The following RBFOX1 variants were observed in gnomAD, a reference collection of about 807,000 sequenced individuals.
RBFOX1 encodes RNA binding fox-1 homolog 1.
In RBFOX1, 8 loss-of-function variants were observed where a neutral mutation model predicts 57.7. The observed-to-expected ratio is 0.14, with a 90% CI of 0.08 to 0.25. The LOEUF is 0.25. Ranked by LOEUF, RBFOX1 falls within the 10% of genes least tolerant of loss-of-function variation. The pLI is 1.00. For missense variants in RBFOX1, 611 were observed against 548.5 expected, an observed-to-expected ratio of 1.11 and a Z score of -1.14; for synonymous variants, 326 against 222.4, an observed-to-expected ratio of 1.47 and a Z score of -4.15.
intron 1 of RBFOX1, among the ~76,000 whole-genome samples, chr16:6,265,681 C>T (rs902031450): frequency 6.6e-6 from 1 of 152,188 alleles, no homozygotes; most frequent in Non-Finnish European, 1.5e-5. Context: ...ACCAAATTAG[C>T]TTTGGTGCAC....
intron 4 of RBFOX1, among the ~76,000 whole-genome samples, chr16:5,993,667 C>T (rs979224662): frequency 6.6e-6 from 1 of 152,072 alleles, no homozygotes; most frequent in Non-Finnish European, 1.5e-5. Context: ...TCAAGATTAC[C>T]CATTTAGCTG....
At chr16:7,676,063 T>A (rs1055833699) in intron 13 of RBFOX1, among the ~76,000 whole-genome samples, 1 of 152,250 alleles carries the variant, frequency 6.6e-6, no homozygotes, top group Non-Finnish European at 1.5e-5. Flanking sequence ...TTATTTTTTC[T>A]TTTCAGATTT....
chr16:6,148,314 G>A (rs1372698380), intron 1 of RBFOX1, among the ~76,000 whole-genome samples: 2 of 152,222 alleles, frequency 1.3e-5, no homozygotes, highest in Non-Finnish European at 2.9e-5. Flanking sequence ...GCGACGGAGT[G>A]AGACTCCGTC....
chr16:7,356,716 G>C (rs1463140650), intron 4 of RBFOX1, among the ~76,000 whole-genome samples: 1 of 152,198 alleles, frequency 6.6e-6, no homozygotes, highest in Non-Finnish European at 1.5e-5. Context: ...TTTTAAATAA[G>C]ACAAATACGT....
intron 1 of RBFOX1, among the ~76,000 whole-genome samples, chr16:6,113,743 G>A (rs1294334948): frequency 1.3e-5 from 2 of 152,210 alleles, no homozygotes; most frequent in Non-Finnish European, 2.9e-5. Flanking sequence ...GTGGCAGAAT[G>A]CCTAGCATGT....
At chr16:6,530,409 G>T (rs1450746700) in intron 2 of RBFOX1, among the ~76,000 whole-genome samples, 3 of 152,138 alleles carry the variant, frequency 2.0e-5, no homozygotes, top group Admixed American at 1.3e-4. Flanking sequence ...CTGCAAGATG[G>T]GGAGACAGTG....
intron 1 of RBFOX1, among the ~76,000 whole-genome samples, chr16:6,062,329 A>C (rs2095698371): frequency 6.6e-6 from 1 of 152,020 alleles, no homozygotes; most frequent in Non-Finnish European, 1.5e-5. Flanking sequence ...GGTAGGACAG[A>C]AAATTCCTAC....
intron 4 of RBFOX1, among the ~76,000 whole-genome samples, chr16:5,867,553 C>T (rs1299324474): frequency 1.3e-5 from 2 of 152,092 alleles, no homozygotes; most frequent in African/African-American, 4.8e-5. Flanking sequence ...AAAGATGGTG[C>T]AGGGTGACTT....
At chr16:6,957,960 T>C (rs2082215619) in intron 3 of RBFOX1, among the ~76,000 whole-genome samples, 1 of 152,062 alleles carries the variant, frequency 6.6e-6, no homozygotes, top group Non-Finnish European at 1.5e-5. Context: ...ACTTCCAGCA[T>C]ATTCTCTTGG....
chr16:6,653,752 G>C (rs2098620641), intron 2 of RBFOX1, among the ~76,000 whole-genome samples: 1 of 151,654 alleles, frequency 6.6e-6, no homozygotes. Context: ...ATGGATGGGT[G>C]GGTAGATGAA....
At chr16:7,554,497 A>T (rs1227272273) in intron 5 of RBFOX1, among the ~76,000 whole-genome samples, 1 of 152,132 alleles carries the variant, frequency 6.6e-6, no homozygotes, top group Non-Finnish European at 1.5e-5. Context: ...AGTCGTGTAG[A>T]CTAAGTGTTA....
intron 1 of RBFOX1, among the ~76,000 whole-genome samples, chr16:5,299,045 C>T: frequency 6.8e-6 from 1 of 146,184 alleles, no homozygotes; most frequent in Non-Finnish European, 1.5e-5. Context: ...TAGAATGTTT[C>T]TATGGCCCTG....
chr16:7,068,158 C>T (rs75730451), intron 4 of RBFOX1, among the ~76,000 whole-genome samples: 2,170 of 152,068 alleles, frequency 0.014, 33 homozygotes, highest in Non-Finnish European at 0.023. Flanking sequence ...ATTTTAAGAT[C>T]CGTAATTATA....
intron 3 of RBFOX1, among the ~76,000 whole-genome samples, chr16:6,893,281 T>C (rs75481415): frequency 0.031 from 4,701 of 152,218 alleles, 242 homozygotes; most frequent in African/African-American, 0.11. Flanking sequence ...TGGTTTCTTG[T>C]CTTAGATTAC....
chr16:7,283,570 A>G (rs1015653448), intron 4 of RBFOX1, among the ~76,000 whole-genome samples: 5 of 152,024 alleles, frequency 3.3e-5, no homozygotes, highest in African/African-American at 7.2e-5. Context: ...GACATTCTGT[A>G]TCTCCATCCC....
At chr16:5,582,274 G>A (rs1037103131) in intron 2 of RBFOX1, among the ~76,000 whole-genome samples, 1 of 152,142 alleles carries the variant, frequency 6.6e-6, no homozygotes, top group Non-Finnish European at 1.5e-5. Flanking sequence ...GGGGCTGCAC[G>A]GGCCTTCACA....
intron 4 of RBFOX1, among the ~76,000 whole-genome samples, chr16:6,007,938 T>A (rs1006033212): frequency 6.6e-6 from 1 of 152,102 alleles, no homozygotes; most frequent in Non-Finnish European, 1.5e-5. Context: ...ATGGGCCAGG[T>A]GCAGTGGCTC....
intron 2 of RBFOX1, among the ~76,000 whole-genome samples, chr16:6,573,553 C>G (rs981799632): frequency 6.6e-6 from 1 of 152,188 alleles, no homozygotes; most frequent in Non-Finnish European, 1.5e-5. Context: ...ATCTCCCCAT[C>G]CATCTTATTT....
chr16:7,627,122 TC>T (rs954835545), intron 10 of RBFOX1, among the ~76,000 whole-genome samples: 2 of 104,408 alleles, frequency 1.9e-5, no homozygotes, highest in African/African-American at 8.7e-5. Flanking sequence ...CCCCTCCGCC[TC>T]CTTTTTTTTT....
Sources: allele counts gnomAD v4.1 joint callset (sites outside exome capture counted in the v4.1 genomes callset), GRCh38; gene constraint gnomAD v4.1.1; transcripts MANE v1.5; gene names NCBI Gene and HGNC (gene_info 2026-07-23, HGNC 2026-07-21).